SSPN: variants seen among roughly 807,000 people sequenced by gnomAD.
The protein encoded by SSPN is sarcospan.
In SSPN, 15 loss-of-function variants were observed where a neutral mutation model predicts 19.1. That is an observed-to-expected ratio of 0.78 (90% CI 0.52 to 1.21). SSPN has a LOEUF of 1.21. Ranked by LOEUF, SSPN falls within the 50% of genes most tolerant of loss-of-function variation. The pLI is 0.00. For synonymous variants in SSPN, 147 were observed against 140.3 expected (o/e 1.05, Z -0.34); for missense variants, 291 against 314.0 (o/e 0.93, Z 0.55).
At chr12:26,168,208 G>T (rs1383625180) in intron 1 of SSPN, among the ~76,000 whole-genome samples, 3 of 90,392 alleles carry the variant, frequency 3.3e-5, no homozygotes, top group South Asian at 4.5e-4. Flanking sequence ...GTGAGACCCT[G>T]TCTCAGAAAA....
intron 1 of SSPN, among the ~76,000 whole-genome samples, chr12:26,152,075 C>T (rs897588292): frequency 9.9e-5 from 15 of 152,174 alleles, no homozygotes; most frequent in African/African-American, 3.1e-4. Flanking sequence ...GTCTAATCTG[C>T]ATTATTGACA....
chr12:26,148,161 A>G (rs990089184), intron 1 of SSPN, among the ~76,000 whole-genome samples: 3 of 152,192 alleles, frequency 2.0e-5, no homozygotes, highest in African/African-American at 7.2e-5. Flanking sequence ...TTGAGGACCT[A>G]TCTGCACAGG....
chr12:26,220,618 G>A (rs1945110166), intron 1 of SSPN, among the ~76,000 whole-genome samples: 1 of 152,124 alleles, frequency 6.6e-6, no homozygotes, highest in Non-Finnish European at 1.5e-5. Context: ...TTCACATATG[G>A]TGATGACTAA....
upstream of SSPN, chr12:26,195,437 G>A: frequency 9.0e-6 from 6 of 665,516 alleles, no homozygotes; most frequent in Non-Finnish European, 1.3e-5. Context: ...TCCTGCCCGG[G>A]GCCCGGCAGG....
chr12:26,201,028 T>TAAA (rs1361123257), intron 1 of SSPN, among the ~76,000 whole-genome samples: 8 of 34,720 alleles, frequency 2.3e-4, no homozygotes, highest in African/African-American at 9.0e-4. Context: ...TATATATATA[T>TAAA]ATATATATAT....
At chr12:26,144,008 T>G (rs200476316) in intron 1 of SSPN, among the ~76,000 whole-genome samples, 1 of 152,182 alleles carries the variant, frequency 6.6e-6, no homozygotes, top group Non-Finnish European at 1.5e-5. Context: ...CAAGCTCAGG[T>G]CTCCCACTGA....
At chr12:26,169,063 T>C (rs915906636) in intron 1 of SSPN, among the ~76,000 whole-genome samples, 28 of 151,782 alleles carry the variant, frequency 1.8e-4, no homozygotes, top group African/African-American at 6.5e-4. Flanking sequence ...ATGATGGTCA[T>C]CCAACATTAA....
intron 1 of SSPN, among the ~76,000 whole-genome samples, chr12:26,214,428 T>A (rs1384987753): frequency 2.0e-5 from 3 of 152,220 alleles, no homozygotes; most frequent in Non-Finnish European, 4.4e-5. Flanking sequence ...CAGCCATCAA[T>A]TCTGTGATAT....
At chr12:26,124,632 C>G in intron 1 of SSPN, 2 of 1,612,762 alleles carry the variant, frequency 1.2e-6, no homozygotes, top group Non-Finnish European at 1.7e-6. Flanking sequence ...GGGGCTCTGC[C>G]CTCGCCAGCT....
chr12:26,163,324 T>C (rs1401294344), intron 1 of SSPN, among the ~76,000 whole-genome samples: 2 of 152,230 alleles, frequency 1.3e-5, no homozygotes, highest in Non-Finnish European at 2.9e-5. Context: ...GAAATGTCTC[T>C]GAAGCCTCAG....
chr12:26,226,839 C>G (rs1945181524), intron 2 of SSPN, among the ~76,000 whole-genome samples: 1 of 152,150 alleles, frequency 6.6e-6, no homozygotes, highest in East Asian at 1.9e-4. Flanking sequence ...GGGCCCTTCC[C>G]GTTCAGGCCA....
chr12:26,160,843 C>T (rs1201404041), intron 1 of SSPN, among the ~76,000 whole-genome samples: 2 of 151,996 alleles, frequency 1.3e-5, no homozygotes, highest in African/African-American at 4.8e-5. Flanking sequence ...CATGGTGGCT[C>T]ACGCCTGCAA....
At position 26,208,150 on chromosome 12, in the gene SSPN, T is replaced by C. The variant is rs775931589; in HGVS notation, c.279+12199T>C. Among the ~76,000 whole-genome samples, 58 of 152,208 alleles carry C rather than the reference T, an allele frequency of 3.8e-4. 1 individual carries two copies. The highest frequency in any genetic ancestry group is 2.0e-4 in the Admixed American group (3 of 15,286). On this transcript the variant is annotated intron_variant, in intron 1 of 2. Transcript: ENST00000242729. Reference sequence around the variant, plus strand: ...TCTATAACTCCCTGTGCACATAAAGTCTTGTTAAGGCATATTCCTAGAAGT... The same window carrying C: ...TCTATAACTCCCTGTGCACATAAAGCCTTGTTAAGGCATATTCCTAGAAGT...
intron 1 of SSPN, chr12:26,125,466 CTT>C: frequency 6.4e-6 from 1 of 156,980 alleles, no homozygotes; most frequent in Non-Finnish European, 1.4e-5. Flanking sequence ...GGTGGGTAAA[CTT>C]GAGTCCCAAA....
chr12:26,173,119 C>G (rs907642668), intron 1 of SSPN, among the ~76,000 whole-genome samples: 2 of 152,158 alleles, frequency 1.3e-5, no homozygotes, highest in African/African-American at 4.8e-5. Context: ...TGTACTTAGA[C>G]ACAGGGACAG....
chr12:26,202,566 A>G (rs944542628), intron 1 of SSPN, among the ~76,000 whole-genome samples: 3 of 152,222 alleles, frequency 2.0e-5, no homozygotes, highest in Non-Finnish European at 4.4e-5. Context: ...ACCTTTTACG[A>G]AGAAAACAAT....
At chr12:26,186,615 G>C (rs1230681218) in intron 1 of SSPN, among the ~76,000 whole-genome samples, 4 of 152,158 alleles carry the variant, frequency 2.6e-5, no homozygotes, top group Admixed American at 2.6e-4. Context: ...ACTTTCTTTT[G>C]CTTCTGCAGG....
chr12:26,208,969 G>C (rs61560128), intron 1 of SSPN, among the ~76,000 whole-genome samples: 2 of 152,062 alleles, frequency 1.3e-5, no homozygotes, highest in Non-Finnish European at 2.9e-5. Flanking sequence ...AATGCATCTT[G>C]TTATAAAGAT....
At chr12:26,230,590 C>G in intron 2 of SSPN, 121 bp from the exon 3 acceptor site, 2 of 1,147,318 alleles carry the variant, frequency 1.7e-6, no homozygotes, top group South Asian at 3.3e-5. Flanking sequence ...TAAGAAGAGA[C>G]AGCCTTTCCA....
Sources: allele counts gnomAD v4.1 joint callset (sites outside exome capture counted in the v4.1 genomes callset), GRCh38; gene constraint gnomAD v4.1.1; transcripts MANE v1.5; gene names NCBI Gene and HGNC (gene_info 2026-07-23, HGNC 2026-07-21).